Variants in NAV2 observed in about 807,000 individuals in gnomAD.
NAV2 encodes helicase, APC down-regulated 1.
Under a neutral mutation model 223.2 loss-of-function variants are expected in NAV2, and 54 were observed. The observed-to-expected ratio is 0.24, with a 90% confidence interval of 0.19 to 0.30. The LOEUF (loss-of-function observed/expected upper bound fraction) is 0.30, where lower values mean the gene tolerates loss of function less well. Among genes scored for constraint, NAV2 ranks in the 10% least tolerant of loss-of-function variants. NAV2 has a pLI of 1.00. For synonymous variants in NAV2, 1,279 were observed against 1,239.3 expected, an observed-to-expected ratio of 1.03 and a Z score of -0.67; for missense variants, 2,806 against 3,147.5, an observed-to-expected ratio of 0.89 and a Z score of 2.60.
intron 6 of NAV2, among the ~76,000 whole-genome samples, chr11:19,924,510 A>G (rs1242757778): frequency 6.6e-6 from 1 of 152,130 alleles, no homozygotes; most frequent in Non-Finnish European, 1.5e-5. Flanking sequence ...ACTGAGAAAA[A>G]CTGGGAAATG....
At chr11:19,571,566 A>T (rs1202954857) in intron 1 of NAV2, among the ~76,000 whole-genome samples, 1 of 152,014 alleles carries the variant, frequency 6.6e-6, no homozygotes, top group Non-Finnish European at 1.5e-5. Context: ...ATTAGCCAGG[A>T]GTGTTGGCAT....
intron 1 of NAV2, among the ~76,000 whole-genome samples, chr11:19,469,602 C>G (rs1183021164): frequency 6.6e-6 from 1 of 152,148 alleles, no homozygotes; most frequent in Non-Finnish European, 1.5e-5. Flanking sequence ...ACCTCGCTTT[C>G]CCAGGTACAC....
chr11:19,958,030 C>T (rs1437908681), intron 10 of NAV2, among the ~76,000 whole-genome samples: 1 of 152,184 alleles, frequency 6.6e-6, no homozygotes, highest in East Asian at 1.9e-4. Context: ...CCCCTGCATC[C>T]TGTGGGAAGG....
chr11:20,073,440 C>T (rs552053660), intron 22 of NAV2, among the ~76,000 whole-genome samples: 37 of 152,296 alleles, frequency 2.4e-4, no homozygotes, highest in Admixed American at 2.2e-3. Context: ...CAGGATGATG[C>T]TGGCCTCATA....
intron 25 of NAV2, among the ~76,000 whole-genome samples, chr11:20,080,608 C>T (rs777096300): frequency 7.2e-5 from 11 of 152,084 alleles, no homozygotes; most frequent in Non-Finnish European, 1.6e-4. Context: ...CATCTTTAGC[C>T]GTAATCTTTA....
chr11:19,460,905 C>T (rs2133858929), intron 1 of NAV2, among the ~76,000 whole-genome samples: 1 of 152,232 alleles, frequency 6.6e-6, no homozygotes, highest in South Asian at 2.1e-4. Context: ...GGGTCCTGTA[C>T]ACTCATCCCC....
At chr11:19,753,452 A>G (rs1301715267) in intron 1 of NAV2, among the ~76,000 whole-genome samples, 1 of 152,180 alleles carries the variant, frequency 6.6e-6, no homozygotes, top group Non-Finnish European at 1.5e-5. Flanking sequence ...TGTGGTAGTA[A>G]GTCATAGACT....
chr11:19,814,875 C>T (rs1426450601), intron 1 of NAV2, among the ~76,000 whole-genome samples: 2 of 152,184 alleles, frequency 1.3e-5, no homozygotes, highest in Non-Finnish European at 2.9e-5. Context: ...CCTCCTAAAA[C>T]TTATCCTTCT....
chr11:19,620,444 G>T (rs554089629), intron 1 of NAV2, among the ~76,000 whole-genome samples: 1,576 of 152,150 alleles, frequency 0.01, 28 homozygotes, highest in African/African-American at 0.036. Context: ...ATTGAGCAGT[G>T]GTTTGTAGTT....
At chr11:19,437,555 T>C (rs535736134) in intron 1 of NAV2, among the ~76,000 whole-genome samples, 1 of 152,312 alleles carries the variant, frequency 6.6e-6, no homozygotes, top group South Asian at 2.1e-4. Context: ...GGGACAATAG[T>C]CTTTTATACC....
chr11:20,049,015 A>G lies in NAV2; in HGVS notation c.4190A>G (p.Asp1397Gly), dbSNP rs1350178537. The change falls in exon 15 of 38, where the codon GAT becomes GGT. Residue 1397 changes from aspartate (D) to glycine (G), a missense_variant. Physicochemically the swap from Asp to Gly is moderately conservative, Grantham distance 94 (BLOSUM62 -1). Transcript: ENST00000349880. ...NASSSSAVSK[D>G]GLGFQSVSSL... ...AGCAGCTCCTCCGCAGTTAGCAAGG[A>G]TGGCCTGGGCTTTCAGTCTGTCAGC... 3 of 1,613,954 alleles carry G rather than the reference A, an allele frequency of 1.9e-6. No homozygotes were observed. The highest frequency in any genetic ancestry group is 2.2e-5 in the East Asian group (1 of 44,874).
intron 1 of NAV2, among the ~76,000 whole-genome samples, chr11:19,571,750 C>T (rs1217982974): frequency 2.0e-5 from 3 of 151,984 alleles, no homozygotes; most frequent in East Asian, 1.9e-4. Flanking sequence ...TATGTTATGT[C>T]GATTTTACTT....
At chr11:20,070,331 T>C (rs2059320023) in intron 22 of NAV2, among the ~76,000 whole-genome samples, 1 of 152,214 alleles carries the variant, frequency 6.6e-6, no homozygotes, top group African/African-American at 2.4e-5. Context: ...TGAGCTACTC[T>C]CCTAGTTTAA....
At chr11:19,402,948 T>C (rs1849748738) in intron 1 of NAV2, among the ~76,000 whole-genome samples, 1 of 152,232 alleles carries the variant, frequency 6.6e-6, no homozygotes, top group South Asian at 2.1e-4. Flanking sequence ...CATTCATCCC[T>C]CATCCATTCA....
intron 1 of NAV2, among the ~76,000 whole-genome samples, chr11:19,699,968 A>T (rs2049462474): frequency 1.3e-5 from 2 of 152,194 alleles, no homozygotes; most frequent in Non-Finnish European, 2.9e-5. Flanking sequence ...AGGGACAGGG[A>T]TCCCCAATGG....
At chr11:19,372,852 GAAAGATTCATTT>G (rs1373644548) in intron 1 of NAV2, among the ~76,000 whole-genome samples, 2 of 152,180 alleles carry the variant, frequency 1.3e-5, no homozygotes, top group Non-Finnish European at 2.9e-5. Context: ...GAGTTTCTAG[GAAAGATTCATTT>G]TAACCTTAAC....
intron 17 of NAV2, 45 bp from the exon 18 acceptor site, chr11:20,054,035 A>G (rs2058202021): frequency 6.3e-7 from 1 of 1,582,792 alleles, no homozygotes; most frequent in African/African-American, 1.4e-5. Flanking sequence ...TCATTTTAAT[A>G]AGCATTGTTC....
At chr11:19,354,237 G>A (rs1025908393) in intron 1 of NAV2, among the ~76,000 whole-genome samples, 2 of 152,172 alleles carry the variant, frequency 1.3e-5, no homozygotes, top group Non-Finnish European at 2.9e-5. Flanking sequence ...TGAAGCCTAT[G>A]TTTTAGATCA....
intron 4 of NAV2, among the ~76,000 whole-genome samples, chr11:19,875,868 C>A (rs2062805604): frequency 6.6e-6 from 1 of 152,128 alleles, no homozygotes; most frequent in Non-Finnish European, 1.5e-5. Context: ...AGGGGATGAG[C>A]AGAGAGAATG....
Sources: allele counts gnomAD v4.1 joint callset (sites outside exome capture counted in the v4.1 genomes callset), GRCh38; gene constraint gnomAD v4.1.1; transcripts MANE v1.5; gene names NCBI Gene and HGNC (gene_info 2026-07-23, HGNC 2026-07-21).